The following STAT5B variants were observed in gnomAD, a reference collection of about 807,000 sequenced individuals.
STAT5B encodes the protein signal transducer and activator of transcription 5B.
A neutral mutation model predicts 107.8 loss-of-function variants in STAT5B; 21 were observed. That is an observed-to-expected ratio of 0.19 (90% confidence interval 0.14 to 0.28). The LOEUF is 0.28. STAT5B is among the 10% of genes least tolerant of loss of function. The pLI, the probability that STAT5B is intolerant of heterozygous loss-of-function variation, is 1.00. For missense variants in STAT5B, 565 were observed against 1,008.2 expected (o/e 0.56, Z 5.95); for synonymous variants, 325 against 401.7 (o/e 0.81, Z 2.28).
At chr17:42,212,305 G>T (rs2080136227) in intron 12 of STAT5B, 115 bp from the exon 13 acceptor site, 10 of 1,527,016 alleles carry the variant, frequency 6.5e-6, no homozygotes, top group Non-Finnish European at 8.9e-6. Context: ...TGTCTTGCAG[G>T]GCCTGAGGAT....
chr17:42,257,291 C>A (rs1262382393), intron 1 of STAT5B, among the ~76,000 whole-genome samples: 1 of 152,164 alleles, frequency 6.6e-6, no homozygotes, highest in South Asian at 2.1e-4. Flanking sequence ...TACCACCTGA[C>A]AATTGAATCT....
chr17:42,217,835 G>T, intron 9 of STAT5B: 1 of 441,510 alleles, frequency 2.3e-6, no homozygotes. Context: ...CTCTCTAGTG[G>T]CTGGGATTAC....
chr17:42,263,871 GCACACACACACACACACACACA>G (rs3222522), intron 1 of STAT5B, among the ~76,000 whole-genome samples: 6 of 144,934 alleles, frequency 4.1e-5, no homozygotes, highest in Non-Finnish European at 9.0e-5. Context: ...TAGAAAGCGC[GCACACACACACACACACACACA>G]CACACACACA....
At chr17:42,248,642 G>A (rs1049429379) in intron 1 of STAT5B, among the ~76,000 whole-genome samples, 4 of 152,234 alleles carry the variant, frequency 2.6e-5, no homozygotes, top group Non-Finnish European at 4.4e-5. Context: ...GCACACAACA[G>A]ATGCACTGAA....
In STAT5B at chr17:42,227,714, T is replaced by C. The variant is rs754970190; in HGVS notation, c.129-29A>G. 5 of 1,611,618 alleles carry C rather than the reference T, an allele frequency of 3.1e-6. No individual in the cohort carries two copies. The African/African-American group carries it at 4.0e-5, about 13-fold the overall frequency. On this transcript the variant is annotated intron_variant, in intron 2 of 18. Transcript: ENST00000293328. ...GGGGAAAAAAATTACATAATCTGTATACATACATGCACGTGAGCCTGTATA... is the reference window on the plus strand; with the variant it reads ...GGGGAAAAAAATTACATAATCTGTACACATACATGCACGTGAGCCTGTATA...
chr17:42,238,301 T>C (rs1287306079), intron 1 of STAT5B, among the ~76,000 whole-genome samples: 1 of 150,570 alleles, frequency 6.6e-6, no homozygotes, highest in Non-Finnish European at 1.5e-5. Context: ...ACCTGGCTAA[T>C]TAAAGAAAAA....
rs771324059 is a variant in STAT5B at position 42,202,324 on chromosome 17, C to A, written c.2237+16G>T. 5.6e-6 allele frequency: 9 copies of A among 1,614,054 alleles called. No individual in the cohort carries two copies. In the Admixed American group the frequency reaches 1.3e-4, roughly 24 times the overall value. On this transcript the variant is annotated intron_variant, in intron 18 of 18. Coordinates refer to ENST00000293328, the MANE Select transcript of STAT5B (RefSeq NM_012448.4). Reference sequence around the variant, plus strand: ...CCAGTTCCTCCCCTGTGGACCCCCACAAGAATGCCACCTACTTCTGTGGGT... The same window carrying A: ...CCAGTTCCTCCCCTGTGGACCCCCAAAAGAATGCCACCTACTTCTGTGGGT...
At chr17:42,264,395 C>T (rs1002066487) in intron 1 of STAT5B, among the ~76,000 whole-genome samples, 1 of 128,942 alleles carries the variant, frequency 7.8e-6, no homozygotes, top group Non-Finnish European at 1.6e-5. Flanking sequence ...GTGTGATGTT[C>T]CCCTTCCTGT....
chr17:42,257,637 T>C (rs945246692), intron 1 of STAT5B, among the ~76,000 whole-genome samples: 4 of 152,170 alleles, frequency 2.6e-5, no homozygotes, highest in Non-Finnish European at 5.9e-5. Context: ...CCTTTGTCTT[T>C]CAAAGGTGAT....
rs964645095 is a variant in STAT5B, at chr17:42,210,692, C to A, written c.1681-195G>T. 4.9e-6 allele frequency: 3 copies of A among 610,790 alleles called. No individual in the cohort carries two copies. In the African/African-American group the frequency reaches 5.5e-5, roughly 11 times the overall value. 37.8% of individuals were successfully genotyped at this position (610,790 alleles called of 1,614,324 possible). ...GAGGGAAGAAGGGGAAAATACCAAA[C>A]TGCAGTTACCAGCACCCAGTGGGCT... On this transcript the variant is annotated intron_variant, in intron 13 of 18. Coordinates refer to ENST00000293328, the MANE Select transcript of STAT5B (RefSeq NM_012448.4).
In STAT5B at chr17:42,255,063, C is replaced by A. The variant is rs142938126; in HGVS notation, c.-11+21185G>T. 3.3e-5 allele frequency among the ~76,000 whole-genome samples: 5 copies of A among 152,272 alleles called. No homozygotes were observed. The East Asian group carries it at 9.6e-4, about 29-fold the overall frequency. On this transcript the variant is annotated intron_variant, in intron 1 of 18. Transcript: ENST00000293328. Reference sequence around the variant, plus strand: ...CCGAGATCGTGCCACTGCACTCCAGCCTGGCAATGGAGCGAGACTCCGTCT... The same window carrying A: ...CCGAGATCGTGCCACTGCACTCCAGACTGGCAATGGAGCGAGACTCCGTCT...
chr17:42,242,315 A>C (rs757339012), intron 1 of STAT5B, among the ~76,000 whole-genome samples: 2 of 152,204 alleles, frequency 1.3e-5, no homozygotes, highest in African/African-American at 4.8e-5. Flanking sequence ...AGACTCAGAC[A>C]AGGATCATCA....
chr17:42,248,227 A>G (rs1389685311), intron 1 of STAT5B, among the ~76,000 whole-genome samples: 1 of 132,532 alleles, frequency 7.5e-6, no homozygotes, highest in African/African-American at 2.8e-5. Context: ...GTGAGCCGTG[A>G]TTGTGTCGCT....
At chr17:42,286,819 TCCAGCCACC>T in the STAT5B span, among the ~76,000 whole-genome samples, 1 of 152,218 alleles carries the variant, frequency 6.6e-6, no homozygotes, top group African/African-American at 2.4e-5. Context: ...TGGGTTTGTA[TCCAGCCACC>T]GACAGGCTGC....
chr17:42,233,448 T>C (rs548842447), intron 1 of STAT5B, among the ~76,000 whole-genome samples: 47 of 151,760 alleles, frequency 3.1e-4, no homozygotes, highest in African/African-American at 1.0e-3. Context: ...CACCTAAGAG[T>C]TGGAAATATG....
intron 1 of STAT5B, among the ~76,000 whole-genome samples, chr17:42,260,831 T>C (rs2080588555): frequency 6.6e-6 from 1 of 152,182 alleles, no homozygotes; most frequent in African/African-American, 2.4e-5. Flanking sequence ...CACATTATAT[T>C]TGTATTGAAC....
intron 15 of STAT5B, among the ~76,000 whole-genome samples, chr17:42,209,910 A>G (rs1294166246): frequency 6.6e-6 from 1 of 152,222 alleles, no homozygotes; most frequent in Non-Finnish European, 1.5e-5. Flanking sequence ...CTCTTGTATC[A>G]TAGGTAGCCA....
intron 16 of STAT5B, among the ~76,000 whole-genome samples, chr17:42,204,302 G>T (rs1047720909): frequency 6.6e-6 from 1 of 152,136 alleles, no homozygotes; most frequent in Non-Finnish European, 1.5e-5. Context: ...TAAGCAGGTG[G>T]TAAGAATGTG....
intron 1 of STAT5B, among the ~76,000 whole-genome samples, chr17:42,257,344 GGAA>G (rs1442255726): frequency 3.3e-5 from 5 of 151,302 alleles, no homozygotes; most frequent in African/African-American, 7.3e-5. Flanking sequence ...CCAGTATCTG[GGAA>G]GAAGTTTTAA....
Sources: allele counts gnomAD v4.1 joint callset (sites outside exome capture counted in the v4.1 genomes callset), GRCh38; gene constraint gnomAD v4.1.1; transcripts MANE v1.5; gene names NCBI Gene and HGNC (gene_info 2026-07-23, HGNC 2026-07-21).